ME3: variants seen among roughly 807,000 people sequenced by gnomAD.
ME3 encodes the protein malic enzyme 3, also known as NADP-dependent malic enzyme, mitochondrial.
A neutral mutation model predicts 68.9 loss-of-function variants in ME3; 48 were observed. That is an observed-to-expected ratio of 0.70 (90% confidence interval 0.55 to 0.89). ME3 has a LOEUF of 0.89. Among genes scored for constraint, ME3 ranks in the 40% least tolerant of loss-of-function variants. The probability of loss-of-function intolerance (pLI) is 0.00; values close to 1 mark genes in which losing one functional copy is unlikely to be tolerated. For synonymous variants in ME3, 320 were observed against 318.8 expected, an observed-to-expected ratio of 1.00 and a Z score of -0.04; for missense variants, 675 against 797.4, an observed-to-expected ratio of 0.85 and a Z score of 1.85.
chr11:86,531,481 C>T (rs376215803), intron 4 of ME3, among the ~76,000 whole-genome samples: 1 of 152,310 alleles, frequency 6.6e-6, no homozygotes, highest in African/African-American at 2.4e-5. Context: ...CCACTTGACC[C>T]AGGCATCCCA....
intron 7 of ME3, among the ~76,000 whole-genome samples, chr11:86,480,517 C>T (rs1951339562): frequency 6.6e-6 from 1 of 152,222 alleles, no homozygotes; most frequent in South Asian, 2.1e-4. Context: ...AGTTTGCCAT[C>T]TCCCTCTTCC....
intron 2 of ME3, among the ~76,000 whole-genome samples, chr11:86,630,419 A>G (rs1466000224): frequency 2.0e-5 from 3 of 152,138 alleles, no homozygotes; most frequent in East Asian, 1.9e-4. Flanking sequence ...TGTATCCTTC[A>G]TGATGTTATG....
At chr11:86,489,302 GCTT>G (rs1292308927) in intron 6 of ME3, 1 of 152,152 alleles carries the variant, frequency 6.6e-6, no homozygotes, top group Non-Finnish European at 1.5e-5. Flanking sequence ...CCTCTTGAAG[GCTT>G]CTTCTCATCT....
intron 4 of ME3, among the ~76,000 whole-genome samples, chr11:86,532,387 C>T (rs1955318065): frequency 6.6e-6 from 1 of 152,160 alleles, no homozygotes; most frequent in East Asian, 1.9e-4. Context: ...ATATACAGAA[C>T]ATTTCTTCCA....
At chr11:86,602,403 A>T (rs575599903) in intron 2 of ME3, among the ~76,000 whole-genome samples, 3,621 of 152,260 alleles carry the variant, frequency 0.024, 128 homozygotes, top group African/African-American at 0.077. Flanking sequence ...ACAAGGGACA[A>T]GAAGGACCTC....
chr11:86,498,013 T>G, exon 6 of ME3: 1 of 1,613,050 alleles, frequency 6.2e-7, no homozygotes, highest in Non-Finnish European at 8.5e-7. Context: ...TGCTGCGGGT[T>G]CACCCCTCCG....
intron 2 of ME3, among the ~76,000 whole-genome samples, chr11:86,592,032 A>T (rs1396451084): frequency 6.6e-6 from 1 of 152,192 alleles, no homozygotes; most frequent in Non-Finnish European, 1.5e-5. Flanking sequence ...TACACTTCCT[A>T]TGAAGAAAAT....
exon 15 of ME3, chr11:86,441,432 G>A: frequency 6.3e-7 from 1 of 1,587,554 alleles, no homozygotes; most frequent in East Asian, 2.2e-5. Context: ...TGTACGCGTA[G>A]TCGAGAACCT....
intron 2 of ME3, among the ~76,000 whole-genome samples, chr11:86,661,153 A>G (rs936889274): frequency 3.3e-5 from 5 of 152,262 alleles, no homozygotes; most frequent in Non-Finnish European, 7.3e-5. Flanking sequence ...ACACATGCAC[A>G]TGATGGCGAT....
At chr11:86,492,438 T>C (rs1440197136) in intron 6 of ME3, among the ~76,000 whole-genome samples, 1 of 152,224 alleles carries the variant, frequency 6.6e-6, no homozygotes, top group Admixed American at 6.5e-5. Context: ...ACAAAACACA[T>C]TTGTGGAAAC....
intron 2 of ME3, among the ~76,000 whole-genome samples, chr11:86,669,523 C>T (rs555975819): frequency 1.3e-5 from 2 of 152,220 alleles, no homozygotes; most frequent in East Asian, 1.9e-4. Context: ...AGAGAATGAG[C>T]GCTAGCAGGG....
intron 2 of ME3, among the ~76,000 whole-genome samples, chr11:86,639,938 A>G (rs943226120): frequency 3.9e-5 from 6 of 152,194 alleles, no homozygotes; most frequent in African/African-American, 1.4e-4. Flanking sequence ...AGCAGAGCTG[A>G]TGGGAATCAA....
intron 8 of ME3, among the ~76,000 whole-genome samples, chr11:86,464,855 T>G (rs1459967067): frequency 6.6e-6 from 1 of 152,244 alleles, no homozygotes; most frequent in Non-Finnish European, 1.5e-5. Context: ...ATCACATAAT[T>G]CTTACCTACC....
intron 7 of ME3, among the ~76,000 whole-genome samples, 191 bp from the exon 8 acceptor site, chr11:86,465,391 A>T (rs529230312): frequency 6.6e-6 from 1 of 152,032 alleles, no homozygotes; most frequent in African/African-American, 2.4e-5. Context: ...CCTATCATGG[A>T]TGAGGATGGG....
At chr11:86,469,576 A>G (rs1305686123) in intron 7 of ME3, among the ~76,000 whole-genome samples, 1 of 152,182 alleles carries the variant, frequency 6.6e-6, no homozygotes, top group Non-Finnish European at 1.5e-5. Context: ...AGAAGCTCCC[A>G]CTTACCGGGG....
intron 2 of ME3, among the ~76,000 whole-genome samples, chr11:86,576,857 A>T (rs1487961773): frequency 2.0e-5 from 3 of 152,202 alleles, no homozygotes; most frequent in Non-Finnish European, 4.4e-5. Context: ...ATGCTGGGGA[A>T]TCAGAGAACC....
At chr11:86,581,110 TAGTA>T (rs1958419138) in intron 2 of ME3, among the ~76,000 whole-genome samples, 2 of 152,118 alleles carry the variant, frequency 1.3e-5, no homozygotes, top group Non-Finnish European at 2.9e-5. Context: ...GGCCGTGAAA[TAGTA>T]AGGAGAAACC....
chr11:86,671,995 C>A, intron 1 of ME3, 37 bp from the exon 2 acceptor site: 1 of 1,349,618 alleles, frequency 7.4e-7, no homozygotes, highest in Non-Finnish European at 9.5e-7. Context: ...GGGCCTCCTT[C>A]CAGCCAGCCA....
At chr11:86,456,129 T>C (rs1327290906) in intron 8 of ME3, among the ~76,000 whole-genome samples, 1 of 152,234 alleles carries the variant, frequency 6.6e-6, no homozygotes, top group Non-Finnish European at 1.5e-5. Context: ...TTGTATGCCA[T>C]TCCAGTTTGA....
Sources: allele counts gnomAD v4.1 joint callset (sites outside exome capture counted in the v4.1 genomes callset), GRCh38; gene constraint gnomAD v4.1.1; transcripts MANE v1.5; gene names NCBI Gene and HGNC (gene_info 2026-07-23, HGNC 2026-07-21).